The following ATRNL1 variants were observed in gnomAD, a reference collection of about 807,000 sequenced individuals.
ATRNL1 encodes attractin-like protein 1.
Under a neutral mutation model 182.7 loss-of-function variants are expected in ATRNL1, and 95 were observed. The observed-to-expected ratio is 0.52, with a 90% confidence interval of 0.44 to 0.62. The LOEUF (loss-of-function observed/expected upper bound fraction) is 0.62, where lower values mean the gene tolerates loss of function less well. Ranked by LOEUF, ATRNL1 falls within the 20% of genes least tolerant of loss-of-function variation. The pLI is 0.00. For missense variants in ATRNL1, 1,471 were observed against 1,679.5 expected, an observed-to-expected ratio of 0.88 and a Z score of 2.17; for synonymous variants, 576 against 568.3, an observed-to-expected ratio of 1.01 and a Z score of -0.19.
intron 19 of ATRNL1, among the ~76,000 whole-genome samples, chr10:115,351,482 A>G (rs1260606375): frequency 1.3e-5 from 2 of 151,988 alleles, no homozygotes; most frequent in African/African-American, 4.8e-5. Flanking sequence ...ATTTCATTGA[A>G]TGCTTTTTCA....
chr10:115,914,476 C>T (rs374704090), intron 28 of ATRNL1, among the ~76,000 whole-genome samples: 2 of 152,304 alleles, frequency 1.3e-5, no homozygotes, highest in East Asian at 1.9e-4. Context: ...CAGATGGAGA[C>T]TGGTTTATGC....
At chr10:115,520,678 C>T (rs1193492843) in intron 25 of ATRNL1, among the ~76,000 whole-genome samples, 1 of 152,086 alleles carries the variant, frequency 6.6e-6, no homozygotes, top group Non-Finnish European at 1.5e-5. Context: ...CTGAAATCTG[C>T]CTCCCTATGA....
intron 26 of ATRNL1, among the ~76,000 whole-genome samples, chr10:115,640,031 G>A (rs540685584): frequency 1.3e-5 from 2 of 152,046 alleles, no homozygotes; most frequent in South Asian, 2.1e-4. Flanking sequence ...CGAACATCCC[G>A]TGTTTGGTTT....
At chr10:115,739,241 T>G (rs1474064283) in intron 27 of ATRNL1, among the ~76,000 whole-genome samples, 1 of 152,216 alleles carries the variant, frequency 6.6e-6, no homozygotes, top group African/African-American at 2.4e-5. Flanking sequence ...GAATAATGTA[T>G]TATTTAAGCA....
chr10:115,851,092 G>C lies in ATRNL1; in HGVS notation c.4018+3101G>C, dbSNP rs148458667. ...GCATAATCTCAAATTTTTTTGTCAG[G>C]CTCCTTGTTTGAAATGTAGCTTACT... is the stretch of plus-strand genomic sequence containing the variant. On this transcript the variant is annotated intron_variant, in intron 28 of 28. Transcript: ENST00000355044. Among the ~76,000 whole-genome samples, 545 of 150,608 alleles carry C rather than the reference G, an allele frequency of 3.6e-3. 3 individuals carry two copies. The highest frequency in any genetic ancestry group is 0.013 in the African/African-American group (516 of 40,894).
intron 25 of ATRNL1, among the ~76,000 whole-genome samples, chr10:115,536,255 G>C (rs1426529554): frequency 6.6e-6 from 1 of 152,160 alleles, no homozygotes; most frequent in Non-Finnish European, 1.5e-5. Flanking sequence ...GAGCTGTGGT[G>C]GGCTCCACCC....
chr10:115,324,649 T>C (rs1381768461), intron 18 of ATRNL1, among the ~76,000 whole-genome samples: 2 of 152,228 alleles, frequency 1.3e-5, no homozygotes, highest in Non-Finnish European at 2.9e-5. Context: ...TTCATAAACA[T>C]ATCCCAGGGG....
intron 27 of ATRNL1, among the ~76,000 whole-genome samples, chr10:115,822,590 A>G (rs111384395): frequency 0.16 from 24,850 of 152,100 alleles, 2,193 homozygotes; most frequent in Non-Finnish European, 0.2. Flanking sequence ...AAAAAATGAT[A>G]AAGGAAATAT....
chr10:115,307,868 G>GT (rs1339954382), intron 17 of ATRNL1, among the ~76,000 whole-genome samples: 1 of 152,094 alleles, frequency 6.6e-6, no homozygotes, highest in Non-Finnish European at 1.5e-5. Flanking sequence ...CTTGGCAATG[G>GT]TTTTAGTGTG....
intron 21 of ATRNL1, among the ~76,000 whole-genome samples, chr10:115,456,683 A>T (rs1847541379): frequency 6.6e-6 from 1 of 152,136 alleles, no homozygotes; most frequent in Non-Finnish European, 1.5e-5. Context: ...CTCTCTAATG[A>T]ATATATTCTC....
chr10:115,438,315 T>C (rs1554965102), intron 21 of ATRNL1, among the ~76,000 whole-genome samples: 1 of 151,978 alleles, frequency 6.6e-6, no homozygotes, highest in East Asian at 1.9e-4. Flanking sequence ...TTATCACTGG[T>C]TACTATCTTC....
At chr10:115,849,590 G>A (rs1251425388) in intron 28 of ATRNL1, among the ~76,000 whole-genome samples, 1 of 152,096 alleles carries the variant, frequency 6.6e-6, no homozygotes, top group Non-Finnish European at 1.5e-5. Context: ...GATTACTAAT[G>A]TTAATGTTAT....
chr10:115,644,656 T>G (rs1859483021), intron 26 of ATRNL1, among the ~76,000 whole-genome samples: 1 of 152,194 alleles, frequency 6.6e-6, no homozygotes, highest in African/African-American at 2.4e-5. Flanking sequence ...TTCACAGTGC[T>G]GTGAGAATTT....
At chr10:115,749,125 A>T (rs1948375049) in intron 27 of ATRNL1, among the ~76,000 whole-genome samples, 1 of 151,958 alleles carries the variant, frequency 6.6e-6, no homozygotes, top group African/African-American at 2.4e-5. Flanking sequence ...ATTGCCAAAC[A>T]AACTAGAATA....
chr10:115,200,998 A>G (rs1848551971), intron 8 of ATRNL1, among the ~76,000 whole-genome samples: 1 of 149,038 alleles, frequency 6.7e-6, no homozygotes, highest in Non-Finnish European at 1.5e-5. Context: ...GCATTTTTTC[A>G]TGTGTCTTTT....
chr10:115,658,872 C>T (rs11197387), intron 26 of ATRNL1, among the ~76,000 whole-genome samples: 21 of 152,092 alleles, frequency 1.4e-4, no homozygotes, highest in Non-Finnish European at 1.2e-4. Flanking sequence ...ATGGCTGTGG[C>T]GGCCTCGGGA....
At chr10:115,483,361 A>G (rs1848862686) in intron 24 of ATRNL1, among the ~76,000 whole-genome samples, 1 of 151,492 alleles carries the variant, frequency 6.6e-6, no homozygotes, top group Non-Finnish European at 1.5e-5. Context: ...GCTTTAAGCA[A>G]ATTTAGGAAA....
At chr10:115,141,524 T>G (rs1845751955) in intron 5 of ATRNL1, among the ~76,000 whole-genome samples, 2 of 152,134 alleles carry the variant, frequency 1.3e-5, no homozygotes, top group Non-Finnish European at 2.9e-5. Flanking sequence ...GTAGTTTTGT[T>G]TGACTTAGAA....
intron 18 of ATRNL1, 152 bp downstream of exon 18, chr10:115,315,888 T>G: frequency 1.6e-6 from 1 of 638,896 alleles, no homozygotes; most frequent in South Asian, 2.2e-5. Flanking sequence ...TTCCATAGAC[T>G]ATATCTATCT....
Sources: gnomAD v4.1 joint callset for allele counts (sites outside exome capture counted in the v4.1 genomes callset) on GRCh38, gnomAD v4.1.1 for gene constraint, MANE v1.5 for transcripts, NCBI Gene and HGNC (gene_info 2026-07-23, HGNC 2026-07-21) for gene names.